The following TMCO4 variants were observed in gnomAD, a reference collection of about 807,000 sequenced individuals.
TMCO4 encodes transmembrane and coiled-coil domains 4.
TMCO4 carries 58 observed loss-of-function variants against 64.7 expected under a neutral mutation model. The observed-to-expected ratio is 0.90, with a 90% CI of 0.73 to 1.12. The LOEUF is 1.12. TMCO4 is among the 50% of genes most tolerant of loss of function. The pLI, the probability that TMCO4 is intolerant of heterozygous loss-of-function variation, is 0.00. For missense variants in TMCO4, 780 were observed against 825.9 expected, an observed-to-expected ratio of 0.94 and a Z score of 0.68; for synonymous variants, 325 against 346.1, an observed-to-expected ratio of 0.94 and a Z score of 0.68.
chr1:19,773,717 T>A (rs2043086526), intron 4 of TMCO4, among the ~76,000 whole-genome samples: 2 of 152,072 alleles, frequency 1.3e-5, no homozygotes, highest in African/African-American at 4.8e-5. Flanking sequence ...GAGACCAACT[T>A]CATAAGGTTG....
chr1:19,712,217 CACA>C (rs1557494451), intron 13 of TMCO4, among the ~76,000 whole-genome samples: 1 of 152,212 alleles, frequency 6.6e-6, no homozygotes, highest in Non-Finnish European at 1.5e-5. Context: ...TCGGAACACA[CACA>C]ACATTTACTA....
At chr1:19,714,597 A>G (rs1238163868) in intron 13 of TMCO4, among the ~76,000 whole-genome samples, 1 of 152,084 alleles carries the variant, frequency 6.6e-6, no homozygotes, top group Non-Finnish European at 1.5e-5. Flanking sequence ...TAGATTGAGA[A>G]CCTATTTTCT....
intron 15 of TMCO4, among the ~76,000 whole-genome samples, chr1:19,690,319 C>A (rs2095182462): frequency 1.3e-5 from 2 of 152,200 alleles, no homozygotes; most frequent in Non-Finnish European, 2.9e-5. Context: ...GGGTCAGGGG[C>A]CGACTGAGCT....
chr1:19,747,244 G>A lies in TMCO4; in HGVS notation c.532C>T (p.Arg178Ter), dbSNP rs369962324. 2.9e-5 allele frequency: 46 copies of A among 1,613,312 alleles called. No homozygotes were observed. The African/African-American group carries it at 3.1e-4, about 11-fold the overall frequency. The change falls in exon 8 of 16, where the codon CGA becomes TGA. Residue 178 changes from arginine to a stop codon, truncating the protein, a stop_gained. Coordinates refer to ENST00000294543, the MANE Select transcript of TMCO4 (RefSeq NM_181719.7). LOFTEE classifies it high-confidence loss of function. ...TTCCTCCGGTTTTCTTTCTTCTTTC[G>A]GGATGCCTCGGCCATTCTGAGGGAA... ...EEESEMAEAS[R>*]KKKENRRKWK...
chr1:19,728,805 C>T (rs2095418789), intron 13 of TMCO4, among the ~76,000 whole-genome samples: 2 of 152,238 alleles, frequency 1.3e-5, no homozygotes, highest in African/African-American at 4.8e-5. Context: ...GATGTACTTC[C>T]AGCCTCCAAG....
intron 7 of TMCO4, among the ~76,000 whole-genome samples, chr1:19,754,452 C>T (rs919902793): frequency 1.3e-5 from 2 of 152,238 alleles, no homozygotes; most frequent in Admixed American, 1.3e-4. Flanking sequence ...CAAGGAAATA[C>T]CCCTTTTCTT....
chr1:19,764,341 A>C (rs2042635930), intron 6 of TMCO4, among the ~76,000 whole-genome samples: 1 of 152,230 alleles, frequency 6.6e-6, no homozygotes, highest in Non-Finnish European at 1.5e-5. Context: ...GGGAACAGTA[A>C]CAGCATCTAC....
intron 2 of TMCO4, among the ~76,000 whole-genome samples, chr1:19,796,313 C>T (rs12411117): frequency 0.04 from 6,131 of 152,168 alleles, 257 homozygotes; most frequent in African/African-American, 0.11. Context: ...GGGGTTGCCA[C>T]GCACCTCCCT....
chr1:19,704,844 A>G (rs907394085), intron 13 of TMCO4, among the ~76,000 whole-genome samples: 1 of 152,198 alleles, frequency 6.6e-6, no homozygotes, highest in Non-Finnish European at 1.5e-5. Flanking sequence ...GTTGAACCCC[A>G]TAAAATAGTC....
chr1:19,756,072 C>A (rs2042242961), intron 6 of TMCO4, among the ~76,000 whole-genome samples: 1 of 151,906 alleles, frequency 6.6e-6, no homozygotes, highest in Non-Finnish European at 1.5e-5. Flanking sequence ...CACAGTGAGA[C>A]CCCCTCACCT....
chr1:19,686,955 A>ATT (rs60727830), intron 15 of TMCO4, among the ~76,000 whole-genome samples: 9 of 148,974 alleles, frequency 6.0e-5, no homozygotes, highest in African/African-American at 2.2e-4. Flanking sequence ...GTTTTTCTTA[A>ATT]TTTTTTTTTT....
chr1:19,776,022 C>T (rs952255785), intron 4 of TMCO4, among the ~76,000 whole-genome samples: 3 of 152,194 alleles, frequency 2.0e-5, no homozygotes, highest in African/African-American at 7.2e-5. Context: ...ATTCTTCTAC[C>T]TCAGCCACCC....
At chr1:19,684,588 T>C (rs1557441184) in intron 15 of TMCO4, among the ~76,000 whole-genome samples, 1 of 152,182 alleles carries the variant, frequency 6.6e-6, no homozygotes, top group African/African-American at 2.4e-5. Context: ...GTGAGGATTT[T>C]CCCTGGAAAA....
intron 7 of TMCO4, among the ~76,000 whole-genome samples, chr1:19,751,718 A>G (rs543611559): frequency 2.8e-4 from 43 of 152,282 alleles, no homozygotes; most frequent in Admixed American, 7.2e-4. Context: ...TGAATGGCCA[A>G]TCTATTTCCC....
At chr1:19,730,731 A>T (rs1014940842) in intron 13 of TMCO4, among the ~76,000 whole-genome samples, 5 of 152,216 alleles carry the variant, frequency 3.3e-5, no homozygotes, top group Admixed American at 3.3e-4. Flanking sequence ...TTAATTCTAC[A>T]GGCAGCTTTT....
intron 14 of TMCO4, among the ~76,000 whole-genome samples, chr1:19,699,643 T>C (rs1557470066): frequency 6.6e-6 from 1 of 152,032 alleles, no homozygotes; most frequent in Non-Finnish European, 1.5e-5. Context: ...AACCTCCGCC[T>C]CCCAGGTTCA....
chr1:19,716,160 T>TTA (rs2095354829), intron 13 of TMCO4, among the ~76,000 whole-genome samples: 2 of 80,118 alleles, frequency 2.5e-5, no homozygotes, highest in Admixed American at 1.4e-4. Flanking sequence ...CTATTTTATT[T>TTA]TTATTTTATT....
chr1:19,737,338 A>C (rs767079606), intron 13 of TMCO4, 34 bp downstream of exon 13: 1 of 1,591,796 alleles, frequency 6.3e-7, no homozygotes, highest in African/African-American at 1.3e-5. Flanking sequence ...AAGCTTGTGA[A>C]GGGTTTCCGT....
intron 6 of TMCO4, among the ~76,000 whole-genome samples, chr1:19,767,759 C>T (rs192890094): frequency 7.2e-5 from 11 of 152,262 alleles, no homozygotes; most frequent in Non-Finnish European, 1.6e-4. Context: ...TGCAAGGAAG[C>T]CCCTTCCCCT....
Sources: allele counts gnomAD v4.1 joint callset (sites outside exome capture counted in the v4.1 genomes callset), GRCh38; gene constraint gnomAD v4.1.1; transcripts MANE v1.5; gene names NCBI Gene and HGNC (gene_info 2026-07-23, HGNC 2026-07-21).